Variants in BCAR1 observed in about 807,000 individuals in gnomAD.
BCAR1 encodes breast cancer anti-estrogen resistance protein 1.
BCAR1 carries 30 observed loss-of-function variants against 67.6 expected under a neutral mutation model. The observed-to-expected ratio is 0.44, with a 90% CI of 0.33 to 0.60. BCAR1 has a LOEUF of 0.60. Ranked by LOEUF, BCAR1 falls within the 20% of genes least tolerant of loss-of-function variation. The pLI, the probability that BCAR1 is intolerant of heterozygous loss-of-function variation, is 0.02. For synonymous variants in BCAR1, 626 were observed against 556.7 expected, an observed-to-expected ratio of 1.12 and a Z score of -1.75; for missense variants, 1,313 against 1,222.3, an observed-to-expected ratio of 1.07 and a Z score of -1.11.
chr16:75,264,403 C>A lies in BCAR1; in HGVS notation c.66+3512G>T, dbSNP rs140007108. The A allele has an allele frequency of 2.9e-3, 4,431 of 1,532,998 alleles. 12 individuals are homozygous for A. Among genetic ancestry groups the A allele is most frequent in the Non-Finnish European group, 3.4e-3 (3,867 of 1,144,786 alleles). 95.0% of individuals were successfully genotyped at this position (1,532,998 alleles called of 1,614,324 possible). A position where few individuals can be genotyped will look rare whatever the true frequency, so the allele number is the denominator to read the frequency against. ...GCCTTGTCCCTCTGCCCAGTGCCCA[C>A]AGGAGCAGGGCTGGCCAGTCCCCTG... On this transcript the variant is annotated intron_variant, in intron 1 of 6. Transcript: ENST00000393422.
At chr16:75,240,390 G>A (rs2077299165) in intron 2 of BCAR1, among the ~76,000 whole-genome samples, 1 of 152,162 alleles carries the variant, frequency 6.6e-6, no homozygotes, top group Non-Finnish European at 1.5e-5. Context: ...GAAGGCATGA[G>A]CAATCGGAAA....
intron 5 of BCAR1, among the ~76,000 whole-genome samples, chr16:75,234,220 T>TG (rs1295474169): frequency 6.1e-5 from 2 of 32,948 alleles, no homozygotes; most frequent in Non-Finnish European, 8.7e-5. Flanking sequence ...GGCTGGCATA[T>TG]GTGGGACACA....
chr16:75,253,165 TCTC>T (rs1281061679), upstream of BCAR1, among the ~76,000 whole-genome samples: 1 of 151,996 alleles, frequency 6.6e-6, no homozygotes, highest in Non-Finnish European at 1.5e-5. Context: ...GCCTGGAGCA[TCTC>T]CTCCTGCTTG....
chr16:75,233,342 T>C (rs1279660786), intron 6 of BCAR1, among the ~76,000 whole-genome samples: 1 of 151,800 alleles, frequency 6.6e-6, no homozygotes, highest in South Asian at 2.1e-4. Context: ...CACTGTACTC[T>C]AGCCTGTGTG....
At chr16:75,264,065 C>T in intron 1 of BCAR1, 1 of 1,241,742 alleles carries the variant, frequency 8.1e-7, no homozygotes, top group Non-Finnish European at 1.0e-6. Context: ...GACTCAGAGC[C>T]CGTGATGGTG....
chr16:75,252,398 A>C (rs769147201), upstream of BCAR1: 25 of 1,478,174 alleles, frequency 1.7e-5, no homozygotes, highest in Non-Finnish European at 2.2e-5. Flanking sequence ...GGAGAGCGGC[A>C]CTGGGGGAAT....
At chr16:75,234,056 C>T in intron 5 of BCAR1, 121 bp from the exon 6 acceptor site, 1 of 849,498 alleles carries the variant, frequency 1.2e-6, no homozygotes, top group Admixed American at 2.1e-5. Context: ...TGCGCGCACA[C>T]ACACGCACAC....
intron 1 of BCAR1, chr16:75,266,079 G>A (rs1387387296): frequency 6.0e-6 from 6 of 1,007,322 alleles, no homozygotes; most frequent in Admixed American, 5.8e-5. Context: ...CCCGGACCTA[G>A]GCCTTTTTCT....
intron 2 of BCAR1, among the ~76,000 whole-genome samples, chr16:75,241,628 A>C (rs2077344875): frequency 6.6e-6 from 1 of 152,200 alleles, no homozygotes; most frequent in Admixed American, 6.5e-5. Context: ...TTGGTGGCCC[A>C]TGTCCATGGA....
chr16:75,234,002 T>G, intron 5 of BCAR1, 67 bp from the exon 6 acceptor site: 1 of 1,497,468 alleles, frequency 6.7e-7, no homozygotes, highest in Non-Finnish European at 9.1e-7. Context: ...GCCAGCCCTG[T>G]GGCGGGCGCA....
Position 75,235,826 on chromosome 16 carries a change from G to A in BCAR1, c.1073C>T (p.Ala358Val). 2 of 1,578,820 alleles carry A rather than the reference G, an allele frequency of 1.3e-6. No individual in the cohort carries two copies. The highest frequency in any genetic ancestry group is 4.6e-5 in the East Asian group (2 of 43,256). ...LAAPPPDSPP[A>V]EDVYDVPPPA... Reference sequence around the variant, plus strand: ...GGGCGGCACGTCATACACGTCCTCGGCCGGCGGGGAGTCTGGAGGGGGCGC... The same window carrying A: ...GGGCGGCACGTCATACACGTCCTCGACCGGCGGGGAGTCTGGAGGGGGCGC... Residue 358 changes from alanine to valine, a missense_variant, in exon 5 of 7, where the codon GCC (alanine) becomes GTC (valine). Coordinates refer to ENST00000162330, the MANE Select transcript of BCAR1 (RefSeq NM_014567.5).
chr16:75,229,209 C>T lies in BCAR1; in HGVS notation c.*302G>A. The T allele has an allele frequency of 3.0e-6, 1 of 337,282 alleles. No individual in the cohort carries two copies. Among genetic ancestry groups the T allele is most frequent in the Non-Finnish European group, 5.4e-6 (1 of 186,300 alleles). 20.9% of individuals were successfully genotyped at this position (337,282 alleles called of 1,614,324 possible). ...GGACCAGGCTCAGCCCTCGGGGTGG[C>T]ACGAGGTCCTGCAGGCTGCAGGACC... On this transcript the variant is annotated 3_prime_UTR_variant, in exon 7 of 7. Coordinates refer to ENST00000162330, the MANE Select transcript of BCAR1 (RefSeq NM_014567.5).
At chr16:75,256,480 G>C (rs2077779466), upstream of BCAR1, among the ~76,000 whole-genome samples, 1 of 151,674 alleles carries the variant, frequency 6.6e-6, no homozygotes, top group African/African-American at 2.4e-5. Flanking sequence ...CAAGGTGTGT[G>C]GGCAGAGCTG....
At chr16:75,250,930 C>G in intron 1 of BCAR1, 2 of 985,446 alleles carry the variant, frequency 2.0e-6, no homozygotes, top group Non-Finnish European at 2.4e-6. Context: ...CCCGCGCCGG[C>G]GGCCGGAGTG....
rs369224562 is a variant in BCAR1 at position 75,229,598 on chromosome 16, C to G, written c.2526G>C (p.Ala842=). 32 of 1,611,490 alleles carry G rather than the reference C, an allele frequency of 2.0e-5. 1 individual carries two copies. In the African/African-American group the frequency reaches 2.8e-4, roughly 14 times the overall value. ...AAALQYPSPS[A]AQDMVERVKE... ...TGACCCTCTCCACCATGTCCTGGGC[C>G]GCGGAAGGCGATGGGTACTGCAAGG... is the stretch of plus-strand genomic sequence containing the variant. Residue 842 remains alanine (A), a synonymous_variant, in exon 7 of 7, where the codon GCG becomes GCC. Coordinates refer to ENST00000162330, the MANE Select transcript of BCAR1 (RefSeq NM_014567.5).
intron 2 of BCAR1, among the ~76,000 whole-genome samples, chr16:75,239,736 G>A (rs1362216999): frequency 6.6e-6 from 1 of 152,170 alleles, no homozygotes; most frequent in Non-Finnish European, 1.5e-5. Context: ...ACCCGACCTG[G>A]GTCATGGTGG....
chr16:75,252,983 G>T (rs1221202559), upstream of BCAR1, among the ~76,000 whole-genome samples: 2 of 152,234 alleles, frequency 1.3e-5, no homozygotes, highest in African/African-American at 4.8e-5. Context: ...TCAATATTTG[G>T]CTTGGGAAGC....
At chr16:75,252,101 CTG>C (rs1365993882), upstream of BCAR1, 4 of 1,243,840 alleles carry the variant, frequency 3.2e-6, no homozygotes, top group African/African-American at 6.0e-5. Context: ...GTGCCCCAGC[CTG>C]TAGGAGACGA....
chr16:75,235,137 C>T lies in BCAR1; in HGVS notation c.1762G>A (p.Glu588Lys), dbSNP rs561070895. 11 of 1,609,478 alleles carry T rather than the reference C, an allele frequency of 6.8e-6. No homozygotes were observed. The highest frequency in any genetic ancestry group is 3.3e-5 in the South Asian group (3 of 91,078). ...AAGGAGGCCAGCTGCTTGGCGTCCT[C>T]GGGCACAGCCCGCGAGCAGGCCACC... ...RLVACSRAVP[E>K]DAKQLASFLH... The change falls in exon 5 of 7, where the codon GAG (glutamate) becomes AAG (lysine). Residue 588 changes from glutamate (E) to lysine (K), a missense_variant. Physicochemically the swap from Glu to Lys is moderately conservative, Grantham distance 56. This residue lies in a region of BCAR1 where 1,272 missense variants were observed against 1,137.5 expected (regional missense o/e 1.12). Transcript: ENST00000162330.
Sources: gnomAD v4.1 joint callset for allele counts (sites outside exome capture counted in the v4.1 genomes callset) on GRCh38, gnomAD v4.1.1 for gene constraint, gnomAD v4.1.1 regional missense constraint, MANE v1.5 for transcripts, NCBI Gene and HGNC (gene_info 2026-07-23, HGNC 2026-07-21) for gene names.